RBM27: variants seen among roughly 807,000 people sequenced by gnomAD.
RBM27 encodes the protein RNA-binding protein 27.
A neutral mutation model predicts 135.3 loss-of-function variants in RBM27; 22 were observed. That is an observed-to-expected ratio of 0.16 (90% confidence interval 0.12 to 0.23). RBM27 has a LOEUF of 0.23. Ranked by LOEUF, RBM27 falls within the 10% of genes least tolerant of loss-of-function variation. RBM27 has a pLI of 1.00. For missense variants in RBM27, 1,009 were observed against 1,281.0 expected, an observed-to-expected ratio of 0.79 and a Z score of 3.24; for synonymous variants, 481 against 442.4, an observed-to-expected ratio of 1.09 and a Z score of -1.10.
chr5:146,206,691 C>T (rs1301102474), intron 1 of RBM27, among the ~76,000 whole-genome samples: 1 of 152,082 alleles, frequency 6.6e-6, no homozygotes, highest in Non-Finnish European at 1.5e-5. Context: ...AGCGATTCTC[C>T]TGCCCCAGCA....
In RBM27 at chr5:146,237,413, C is replaced by G. The variant is rs777182109; in HGVS notation, c.1260C>G (p.Leu420=). ...TRLPPPLPQN[L]LYTVSERQPM... is the part of the protein sequence containing the mutation. ...TACCTCCTCCTTTACCCCAGAACCT[C>G]CTTTACACAGTATCAGAACGTAAGT... The change falls in exon 8 of 21, where the codon CTC becomes CTG. Residue 420 remains leucine, a synonymous_variant. Transcript: ENST00000265271. 40 of 1,614,048 alleles carry G rather than the reference C, an allele frequency of 2.5e-5. 2 individuals carry two copies. In the South Asian group the frequency reaches 4.4e-4, roughly 18 times the overall value.
chr5:146,219,242 C>T, intron 2 of RBM27, 139 bp downstream of exon 2: 1 of 544,458 alleles, frequency 1.8e-6, no homozygotes, highest in Non-Finnish European at 3.2e-6. Context: ...CCCATTCATA[C>T]TTAATTATTT....
chr5:146,226,950 T>C (rs1756706050), intron 3 of RBM27, among the ~76,000 whole-genome samples: 1 of 152,152 alleles, frequency 6.6e-6, no homozygotes, highest in South Asian at 2.1e-4. Flanking sequence ...GATAATAGAG[T>C]AGGAAAGGAG....
chr5:146,229,866 G>A lies in RBM27; in HGVS notation c.545G>A (p.Arg182Gln), dbSNP rs774847879. 6 of 1,613,970 alleles carry A rather than the reference G, an allele frequency of 3.7e-6. No homozygotes were observed. Among genetic ancestry groups the A allele is most frequent in the South Asian group, 1.1e-5 (1 of 91,070 alleles). The change falls in exon 5 of 21, where the codon CGA becomes CAA. Residue 182 changes from arginine to glutamine, a missense_variant. Transcript: ENST00000265271. ...KSRGLSRSRS[R>Q]SRGRSKDRDP... is the part of the protein sequence containing the mutation. ...CGAGGCCTGAGTCGCAGTAGAAGCCGAAGTAGGGGGCGCAGCAAAGACCGG... is the reference window on the plus strand; with the variant it reads ...CGAGGCCTGAGTCGCAGTAGAAGCCAAAGTAGGGGGCGCAGCAAAGACCGG...
chr5:146,236,477 A>G (rs751232317), intron 7 of RBM27, among the ~76,000 whole-genome samples: 1 of 152,148 alleles, frequency 6.6e-6, no homozygotes, highest in East Asian at 1.9e-4. Context: ...ACCTTAGATT[A>G]GTTTTGCCTC....
chr5:146,214,820 A>C (rs1756121362), intron 1 of RBM27, among the ~76,000 whole-genome samples: 1 of 152,192 alleles, frequency 6.6e-6, no homozygotes, highest in African/African-American at 2.4e-5. Context: ...TATTTGGTGC[A>C]GATTTCTGTC....
chr5:146,215,523 T>G (rs1176939407), intron 1 of RBM27, among the ~76,000 whole-genome samples: 2 of 152,212 alleles, frequency 1.3e-5, no homozygotes, highest in African/African-American at 4.8e-5. Flanking sequence ...CTTCCATTCT[T>G]ATTTATTTTT....
At chr5:146,221,785 C>G (rs940318082) in intron 2 of RBM27, among the ~76,000 whole-genome samples, 1 of 152,236 alleles carries the variant, frequency 6.6e-6, no homozygotes, top group East Asian at 1.9e-4. Flanking sequence ...ATTTAAAGAG[C>G]TACATATGGC....
In RBM27 at chr5:146,216,308, G is replaced by A. The variant is rs543534594; in HGVS notation, c.60-2677G>A. On this transcript the variant is annotated intron_variant, in intron 1 of 20. Coordinates refer to ENST00000265271, the MANE Select transcript of RBM27 (RefSeq NM_018989.2). ...ACACTTTGGCCTCCCACAGGTGTGAGCCACCACACCCAACCATAATATTTT... is the reference window on the plus strand; with the variant it reads ...ACACTTTGGCCTCCCACAGGTGTGAACCACCACACCCAACCATAATATTTT... Among the ~76,000 whole-genome samples the A allele has an allele frequency of 5.5e-3, 835 of 152,270 alleles. 3 individuals carry two copies. The highest frequency in any genetic ancestry group is 0.017 in the Middle Eastern group (5 of 294).
chr5:146,211,390 G>A (rs1170820519), intron 1 of RBM27, among the ~76,000 whole-genome samples: 2 of 145,712 alleles, frequency 1.4e-5, no homozygotes, highest in Admixed American at 7.0e-5. Flanking sequence ...ACCAATATAT[G>A]TGTATCTTTA....
Position 146,237,382 on chromosome 5 carries a change from C to G in RBM27, c.1229C>G (p.Thr410Arg), listed in dbSNP as rs771799942. The G allele has an allele frequency of 3.7e-6, 6 of 1,614,000 alleles. No individual in the cohort carries two copies. The Admixed American group carries it at 1.0e-4, about 27-fold the overall frequency. Residue 410 changes from threonine (T) to arginine (R), a missense_variant, in exon 8 of 21, where the codon ACA becomes AGA. Around this residue, in one of 6 missense-constraint regions of RBM27, gnomAD observed 329 missense variants for 368.1 expected, o/e 0.89. Coordinates refer to ENST00000265271, the MANE Select transcript of RBM27 (RefSeq NM_018989.2). ...GTGCCCAATCTTGCATCAGTGGGAA[C>G]AAGACTACCTCCTCCTTTACCCCAG... is the stretch of plus-strand genomic sequence containing the variant. ...SAVPNLASVG[T>R]RLPPPLPQNL...
chr5:146,216,404 G>A (rs1756195401), intron 1 of RBM27, among the ~76,000 whole-genome samples: 1 of 152,112 alleles, frequency 6.6e-6, no homozygotes. Flanking sequence ...AAAATTGTAT[G>A]TATTTAAGGT....
At chr5:146,209,445 G>T (rs964527069) in intron 1 of RBM27, among the ~76,000 whole-genome samples, 1 of 152,156 alleles carries the variant, frequency 6.6e-6, no homozygotes, top group Non-Finnish European at 1.5e-5. Flanking sequence ...TATGTTGTCA[G>T]CTTGGAGAGT....
chr5:146,267,855 T>C, intron 15 of RBM27, 87 bp downstream of exon 15: 1 of 1,359,772 alleles, frequency 7.4e-7, no homozygotes, highest in African/African-American at 1.5e-5. Flanking sequence ...AATCAGTTCA[T>C]GTTGGCAGGG....
chr5:146,259,418 C>T (rs904639198), intron 11 of RBM27, among the ~76,000 whole-genome samples: 2 of 145,958 alleles, frequency 1.4e-5, no homozygotes, highest in African/African-American at 5.1e-5. Context: ...GCAGGAGAAT[C>T]GCTGGAACCT....
chr5:146,232,577 C>CT (rs993693250), intron 6 of RBM27, among the ~76,000 whole-genome samples: 34 of 148,410 alleles, frequency 2.3e-4, no homozygotes, highest in East Asian at 1.8e-3. Flanking sequence ...TTTTTTTTCT[C>CT]TTTTTTTTTT....
chr5:146,271,129 G>T, intron 18 of RBM27, 71 bp downstream of exon 18: 2 of 1,120,168 alleles, frequency 1.8e-6, no homozygotes, highest in South Asian at 2.6e-5. Context: ...GACCGGGCGC[G>T]GTGGCTCACG....
At chr5:146,211,305 C>T (rs1468447466) in intron 1 of RBM27, among the ~76,000 whole-genome samples, 2 of 151,714 alleles carry the variant, frequency 1.3e-5, no homozygotes, top group African/African-American at 2.4e-5. Context: ...ACTAAATTGC[C>T]TAGTCTAAGG....
chr5:146,258,999 G>A (rs1758245254), intron 11 of RBM27, among the ~76,000 whole-genome samples: 1 of 151,960 alleles, frequency 6.6e-6, no homozygotes, highest in South Asian at 2.1e-4. Context: ...GACCTCAGGT[G>A]ATCCACCCAC....
Sources: allele counts gnomAD v4.1 joint callset (sites outside exome capture counted in the v4.1 genomes callset), GRCh38; gene constraint gnomAD v4.1.1; regional missense constraint gnomAD v4.1.1; transcripts MANE v1.5; gene names NCBI Gene and HGNC (gene_info 2026-07-23, HGNC 2026-07-21).